PTPRD: variants seen among roughly 807,000 people sequenced by gnomAD.
The protein encoded by PTPRD is receptor-type tyrosine-protein phosphatase delta.
In PTPRD, 34 loss-of-function variants were observed where a neutral mutation model predicts 214.5. The ratio of observed to expected loss-of-function variants is 0.16; its 90% confidence interval spans 0.12 to 0.21. The LOEUF (loss-of-function observed/expected upper bound fraction) is 0.21. Ranked by LOEUF, PTPRD falls within the 10% of genes least tolerant of loss-of-function variation. The pLI is 1.00. For synonymous variants in PTPRD, 1,128 were observed against 845.7 expected (o/e 1.33, Z -5.79); for missense variants, 2,545 against 2,398.7 (o/e 1.06, Z -1.27).
At chr9:9,998,143 T>TATATAA (rs1179946086) in intron 4 of PTPRD, among the ~76,000 whole-genome samples, 1 of 136,560 alleles carries the variant, frequency 7.3e-6, no homozygotes, top group African/African-American at 2.8e-5. Flanking sequence ...TATATATATA[T>TATATAA]ATAAAAGAAG....
chr9:10,017,166 A>C (rs1300131496), intron 4 of PTPRD, among the ~76,000 whole-genome samples: 1 of 152,198 alleles, frequency 6.6e-6, no homozygotes, highest in Non-Finnish European at 1.5e-5. Flanking sequence ...TAGTTTTGAC[A>C]GTCTGGTGGA....
chr9:10,292,968 G>A (rs1323852927), intron 3 of PTPRD, among the ~76,000 whole-genome samples: 1 of 151,796 alleles, frequency 6.6e-6, no homozygotes, highest in Non-Finnish European at 1.5e-5. Context: ...TATTCCAGAT[G>A]ATCGTTTACA....
At chr9:9,687,284 C>T (rs968919419) in intron 7 of PTPRD, among the ~76,000 whole-genome samples, 1 of 151,790 alleles carries the variant, frequency 6.6e-6, no homozygotes, top group Admixed American at 6.6e-5. Flanking sequence ...AATGAAGAAA[C>T]AGGATCTACT....
chr9:9,227,458 C>CT (rs2099960251), intron 9 of PTPRD, among the ~76,000 whole-genome samples: 1 of 152,084 alleles, frequency 6.6e-6, no homozygotes, highest in Non-Finnish European at 1.5e-5. Flanking sequence ...TGGCATTTTA[C>CT]TTTTTGTGAT....
At chr9:9,038,664 C>G (rs2099629803) in intron 10 of PTPRD, among the ~76,000 whole-genome samples, 1 of 150,236 alleles carries the variant, frequency 6.7e-6, no homozygotes, top group Non-Finnish European at 1.5e-5. Context: ...AAGTGCTTCT[C>G]CTGACTCAAC....
At chr9:10,295,390 G>A (rs1284029509) in intron 3 of PTPRD, among the ~76,000 whole-genome samples, 1 of 152,034 alleles carries the variant, frequency 6.6e-6, no homozygotes, top group Non-Finnish European at 1.5e-5. Context: ...AGCACATGGA[G>A]AAATTACCAA....
At chr9:9,275,199 T>TATATGTTATATATATATA (rs1491465404) in intron 9 of PTPRD, among the ~76,000 whole-genome samples, 19 of 10,402 alleles carry the variant, frequency 1.8e-3, no homozygotes, top group African/African-American at 4.4e-3. Flanking sequence ...TATATATATA[T>TATATGTTATATATATATA]TATATATATA....
chr9:8,537,416 G>T (rs1197132020), intron 14 of PTPRD, among the ~76,000 whole-genome samples: 1 of 151,838 alleles, frequency 6.6e-6, no homozygotes, highest in Non-Finnish European at 1.5e-5. Context: ...TCCCAAAAAA[G>T]TAATTATGAA....
intron 14 of PTPRD, among the ~76,000 whole-genome samples, chr9:8,574,094 A>G (rs952576774): frequency 6.6e-6 from 1 of 151,922 alleles, no homozygotes; most frequent in Admixed American, 6.6e-5. Flanking sequence ...ACTCCTGTGC[A>G]AACCTATTAA....
At chr9:8,364,928 A>G (rs1223151522) in intron 39 of PTPRD, among the ~76,000 whole-genome samples, 1 of 152,114 alleles carries the variant, frequency 6.6e-6, no homozygotes, top group Non-Finnish European at 1.5e-5. Context: ...TCCTCTCAAT[A>G]TACAGGTGCT....
chr9:9,721,490 G>T (rs1159049294), intron 7 of PTPRD, among the ~76,000 whole-genome samples: 1 of 152,010 alleles, frequency 6.6e-6, no homozygotes, highest in Non-Finnish European at 1.5e-5. Context: ...TTCAAAACAA[G>T]ATATTTGACC....
At chr9:10,300,813 G>A (rs2095840633) in intron 3 of PTPRD, among the ~76,000 whole-genome samples, 1 of 152,060 alleles carries the variant, frequency 6.6e-6, no homozygotes, top group Admixed American at 6.6e-5. Flanking sequence ...CGAGCACCTG[G>A]GGGAAGGGGC....
At chr9:10,563,620 A>G (rs1322792244) in intron 2 of PTPRD, among the ~76,000 whole-genome samples, 1 of 152,110 alleles carries the variant, frequency 6.6e-6, no homozygotes, top group Non-Finnish European at 1.5e-5. Flanking sequence ...ATGCTTAAAT[A>G]CCCTGTCATT....
intron 14 of PTPRD, among the ~76,000 whole-genome samples, chr9:8,593,539 G>T (rs1447179216): frequency 6.6e-6 from 1 of 152,172 alleles, no homozygotes; most frequent in African/African-American, 2.4e-5. Flanking sequence ...ACTTCTTTTT[G>T]TAAACTCCTA....
At chr9:9,444,872 T>A (rs1174557680) in intron 8 of PTPRD, among the ~76,000 whole-genome samples, 1 of 152,196 alleles carries the variant, frequency 6.6e-6, no homozygotes, top group Non-Finnish European at 1.5e-5. Flanking sequence ...AATACATGCC[T>A]ACTTGCAAGT....
At chr9:9,646,690 G>A (rs2096191445) in intron 7 of PTPRD, among the ~76,000 whole-genome samples, 3 of 152,036 alleles carry the variant, frequency 2.0e-5, no homozygotes, top group Admixed American at 2.0e-4. Context: ...TACATTCTAA[G>A]ACCCTCAGTG....
chr9:9,731,930 C>T (rs2098201821), intron 7 of PTPRD, among the ~76,000 whole-genome samples: 1 of 151,734 alleles, frequency 6.6e-6, no homozygotes, highest in Non-Finnish European at 1.5e-5. Context: ...TGCAGAATTG[C>T]TGAGTAGAAA....
intron 12 of PTPRD, among the ~76,000 whole-genome samples, chr9:8,703,900 C>T (rs544455561): frequency 4.8e-4 from 73 of 152,308 alleles, no homozygotes; most frequent in Admixed American, 1.5e-3. Flanking sequence ...TCAAGCCAAA[C>T]AACTCTACCC....
At chr9:9,306,888 A>G (rs1358266568) in intron 9 of PTPRD, among the ~76,000 whole-genome samples, 1 of 152,216 alleles carries the variant, frequency 6.6e-6, no homozygotes, top group African/African-American at 2.4e-5. Context: ...TTTGGCATGT[A>G]CATTTGAATA....
Sources: gnomAD v4.1 joint callset for allele counts (sites outside exome capture counted in the v4.1 genomes callset) on GRCh38, gnomAD v4.1.1 for gene constraint, MANE v1.5 for transcripts, NCBI Gene and HGNC (gene_info 2026-07-23, HGNC 2026-07-21) for gene names.